The following RBM3 variants were observed in gnomAD, a reference collection of about 807,000 sequenced individuals.
RBM3 encodes the protein RNA-binding protein 3.
RBM3 carries 3 observed loss-of-function variants against 12.0 expected under a neutral mutation model. The ratio of observed to expected loss-of-function variants is 0.25; its 90% CI spans 0.11 to 0.65. The LOEUF (loss-of-function observed/expected upper bound fraction) is 0.65, where lower values mean the gene tolerates loss of function less well. Among genes scored for constraint, RBM3 ranks in the 30% least tolerant of loss-of-function variants. The pLI is 0.84. For synonymous variants in RBM3, 58 were observed against 45.7 expected, an observed-to-expected ratio of 1.27 and a Z score of -1.08; for missense variants, 108 against 134.5, an observed-to-expected ratio of 0.80 and a Z score of 0.97.
Position 48,581,076 on chromosome X carries a change from G to T in RBM3, c.*3635G>T, listed in dbSNP as rs1346924927. On this transcript the variant is annotated 3_prime_UTR_variant, in exon 7 of 7. Coordinates refer to ENST00000376759, the MANE Select transcript of RBM3 (RefSeq NM_006743.5). The stretch of plus-strand genomic sequence containing the variant: ...GAAGTGCCCTGGATCTGGGGGCGGG[G>T]GGGGGCGGGGGGAATGGGTCTTTTC... 8.7e-5 allele frequency: 9 copies of T among 103,751 alleles called. No individual in the cohort carries two copies. The highest frequency in any genetic ancestry group is 2.9e-4 in the African/African-American group (8 of 27,129). 8.6% of individuals were successfully genotyped at this position (103,751 alleles called of 1,213,427 possible).
intron 1 of RBM3, 189 bp from the exon 2 acceptor site, chrX:48,574,979 C>T (rs2062073654): frequency 2.2e-6 from 1 of 450,593 alleles, no homozygotes; most frequent in African/African-American, 2.4e-5. Context: ...CTAATGGTGG[C>T]TGCGCTGAGC....
At chrX:48,577,410 T>C in intron 6 of RBM3, 55 bp from the exon 7 acceptor site, 1 of 878,534 alleles carries the variant, frequency 1.1e-6, no homozygotes, top group Non-Finnish European at 1.6e-6. Context: ...GAGGTGAGCA[T>C]GTTGTCAGCT....
rs782555495 is a variant in RBM3, at chrX:48,579,246, C to T, written c.*1805C>T. ...ACAGAAAAATCTGTTGTATTCATGG[C>T]TTTCACCTGGCTAATACTGAGCTAA... is the stretch of plus-strand genomic sequence containing the variant. On this transcript the variant is annotated 3_prime_UTR_variant, in exon 7 of 7. Transcript: ENST00000376759. 4.5e-5 allele frequency among the ~76,000 whole-genome samples: 5 copies of T among 111,856 alleles called. No individual in the cohort carries two copies. In the East Asian group the frequency reaches 1.1e-3, roughly 25 times the overall value.
In RBM3 at chrX:48,575,211, G is replaced by A; in HGVS notation, c.31G>A (p.Gly11Arg). The change falls in exon 2 of 7, where the codon GGA becomes AGA. Residue 11 changes from glycine (G) to arginine (R), a missense_variant. This residue lies in a region of RBM3 where 43 missense variants were observed against 79.6 expected (regional missense o/e 0.54). Transcript: ENST00000376759. MSSEEGKLFVGGLNFNTDEQA... is the reference protein window; with the variant it reads MSSEEGKLFVRGLNFNTDEQA... ...CTCTGAAGAAGGAAAGCTCTTCGTG[G>A]GAGGGCTCAACTTTAACACCGACGA... The A allele has an allele frequency of 2.5e-6, 3 of 1,210,090 alleles. No homozygotes were observed. Among genetic ancestry groups the A allele is most frequent in the Non-Finnish European group, 3.4e-6 (3 of 894,770 alleles).
intron 5 of RBM3, 105 bp downstream of exon 5, chrX:48,576,709 C>T: frequency 9.4e-7 from 1 of 1,067,786 alleles, no homozygotes; most frequent in South Asian, 2.4e-5. Context: ...CTAATGTGTA[C>T]CTAAAATGAG....
rs1602133100 is a variant in RBM3 at position 48,577,296 on chromosome X, G to A, written c.*24-169G>A. On this transcript the variant is annotated intron_variant, in intron 6 of 6. Transcript: ENST00000376759. Reference sequence around the variant, plus strand: ...TATCAGAGCAAGTTTGCTAGGGGGTGGGATCTGAAAACCCATCTCCTATAA... The same window carrying A: ...TATCAGAGCAAGTTTGCTAGGGGGTAGGATCTGAAAACCCATCTCCTATAA... 3.9e-6 allele frequency: 4 copies of A among 1,030,428 alleles called. No individual in the cohort carries two copies. The East Asian group carries it at 1.3e-4, about 34-fold the overall frequency. 84.9% of individuals were successfully genotyped at this position (1,030,428 alleles called of 1,213,427 possible).
intron 1 of RBM3, chrX:48,574,812 C>G (rs1556988820): frequency 2.9e-6 from 1 of 340,727 alleles, no homozygotes; most frequent in African/African-American, 2.6e-5. Context: ...TGGCAGTGAC[C>G]ACGCGACAGC....
At position 48,577,040 on chromosome X, in the gene RBM3, A is replaced by T. The variant is rs187748055; in HGVS notation, c.428A>T (p.Tyr143Phe). The change falls in exon 6 of 7, where the codon TAT (tyrosine) becomes TTT (phenylalanine). Residue 143 changes from tyrosine to phenylalanine, a missense_variant. Transcript: ENST00000376759. ...TTCCCCCCCAGAAACCAGGGTGGTT[A>T]TGACCGCTACTCAGGAGGAAATTAC... ...RDYNGRNQGG[Y>F]DRYSGGNYRD... is the part of the protein sequence containing the mutation. The T allele has an allele frequency of 3.9e-5, 47 of 1,209,800 alleles. No homozygotes were observed. The East Asian group carries it at 1.0e-3, about 26-fold the overall frequency.
chrX:48,576,180 T>G (rs1437444423), intron 3 of RBM3, 134 bp from the exon 4 acceptor site: 1 of 1,167,648 alleles, frequency 8.6e-7, no homozygotes, highest in Non-Finnish European at 1.1e-6. Context: ...GAGCTTATTC[T>G]GGAACATGGC....
Position 48,578,393 on chromosome X carries a change from CA to C in RBM3, c.*956del, listed in dbSNP as rs2062090242. On this transcript the variant is annotated 3_prime_UTR_variant, in exon 7 of 7. Coordinates refer to ENST00000376759, the MANE Select transcript of RBM3 (RefSeq NM_006743.5). Reference sequence around the variant, plus strand: ...TTCGAGACCAGCCTGGCCAACAGGGCAAAACCCCATCTCTACTAAAAATACA... The same window carrying C: ...TTCGAGACCAGCCTGGCCAACAGGGCAAACCCCATCTCTACTAAAAATACA... 9.1e-6 allele frequency: 1 copy of C among 110,465 alleles called. No individual in the cohort carries two copies. Among genetic ancestry groups the C allele is most frequent in the African/African-American group, 3.3e-5 (1 of 30,364 alleles). 9.1% of individuals were successfully genotyped at this position (110,465 alleles called of 1,213,427 possible).
rs782633776 is a variant in RBM3 at position 48,575,718 on chromosome X, C to T, written c.210+51C>T. The T allele has an allele frequency of 5.4e-6, 6 of 1,111,513 alleles. No individual in the cohort carries two copies. In the African/African-American group the frequency reaches 9.1e-5, roughly 17 times the overall value. 91.6% of individuals were successfully genotyped at this position (1,111,513 alleles called of 1,213,427 possible). On this transcript the variant is annotated intron_variant, in intron 3 of 6. Transcript: ENST00000376759. ...CCTTGTCCCCATCTGCGGCTTCCTTCATTCTTTTTGTTTTTCCCTCTGTGT... is the reference window on the plus strand; with the variant it reads ...CCTTGTCCCCATCTGCGGCTTCCTTTATTCTTTTTGTTTTTCCCTCTGTGT...
chrX:48,575,402 C>G, intron 2 of RBM3, 119 bp downstream of exon 2: 1 of 831,275 alleles, frequency 1.2e-6, no homozygotes, highest in Non-Finnish European at 1.7e-6. Flanking sequence ...TCTTCCTAAG[C>G]CTATGGTGTA....
rs1349065425 is a variant in RBM3, at chrX:48,578,645, A to G, written c.*1204A>G. Reference sequence around the variant, plus strand: ...GGTTGGTGGGTGGGCAGGGACTGCCAGAGGGTTAGGTGTACATTGAGGCCT... The same window carrying G: ...GGTTGGTGGGTGGGCAGGGACTGCCGGAGGGTTAGGTGTACATTGAGGCCT... On this transcript the variant is annotated 3_prime_UTR_variant, in exon 7 of 7. Transcript: ENST00000376759. The G allele has an allele frequency of 9.0e-6, 1 of 111,470 alleles. No homozygotes were observed. Among genetic ancestry groups the G allele is most frequent in the Non-Finnish European group, 1.9e-5 (1 of 53,122 alleles). 9.2% of individuals were successfully genotyped at this position (111,470 alleles called of 1,213,427 possible). A position where few individuals can be genotyped will look rare whatever the true frequency, so the allele number is the denominator to read the frequency against.
At chrX:48,575,882 G>A (rs1429761232) in intron 3 of RBM3, 13 of 514,872 alleles carry the variant, frequency 2.5e-5, no homozygotes, top group African/African-American at 7.1e-5. Context: ...GCATGAGGCC[G>A]AGAAGCCACC....
intron 2 of RBM3, 78 bp from the exon 3 acceptor site, chrX:48,575,482 CT>C: frequency 1.0e-6 from 1 of 960,443 alleles, no homozygotes; most frequent in Non-Finnish European, 1.4e-6. Flanking sequence ...ATGCCATCTC[CT>C]TTTCCGGCCA....
At chrX:48,575,097 C>A in intron 1 of RBM3, 71 bp from the exon 2 acceptor site, 1 of 758,457 alleles carries the variant, frequency 1.3e-6, no homozygotes, top group Non-Finnish European at 2.0e-6. Flanking sequence ...CTCTGCTTTC[C>A]GTCTCGCTAT....
Position 48,575,457 on chromosome X carries a change from C to T in RBM3, c.104-104C>T, listed in dbSNP as rs2062076133. ...CGTCTTTGGGATTAGTGGGAGCGCTCCGTTTTCCCTACCTATGCCATCTCC... is the reference window on the plus strand; with the variant it reads ...CGTCTTTGGGATTAGTGGGAGCGCTTCGTTTTCCCTACCTATGCCATCTCC... On this transcript the variant is annotated intron_variant, in intron 2 of 6. Transcript: ENST00000376759. The T allele has an allele frequency of 4.9e-6, 4 of 824,021 alleles. No individual in the cohort carries two copies. In the Admixed American group the frequency reaches 9.1e-5, roughly 19 times the overall value. 67.9% of individuals were successfully genotyped at this position (824,021 alleles called of 1,213,427 possible).
chrX:48,576,376 A>T lies in RBM3; in HGVS notation c.273A>T (p.Gly91=), dbSNP rs2062079882. 3.3e-6 allele frequency: 4 copies of T among 1,209,354 alleles called. No homozygotes were observed. The highest frequency in any genetic ancestry group is 4.5e-6 in the Non-Finnish European group (4 of 895,058). ...GCAAGTCTGCTCGGGGAACCAGAGG[A>T]GGTGGCTTTGGGGCCCATGGGCGTG... ...HAGKSARGTR[G]GGFGAHGRGR... The change falls in exon 4 of 7, where the codon GGA becomes GGT. Residue 91 remains glycine (G), a synonymous_variant. Coordinates refer to ENST00000376759, the MANE Select transcript of RBM3 (RefSeq NM_006743.5).
intron 1 of RBM3, chrX:48,574,932 G>T: frequency 2.3e-6 from 1 of 440,280 alleles, no homozygotes; most frequent in Non-Finnish European, 4.1e-6. Context: ...GACGGGCGTG[G>T]CGGCTATGAA....
Sources: allele counts gnomAD v4.1 joint callset (sites outside exome capture counted in the v4.1 genomes callset), GRCh38; gene constraint gnomAD v4.1.1; regional missense constraint gnomAD v4.1.1; transcripts MANE v1.5; gene names NCBI Gene and HGNC (gene_info 2026-07-23, HGNC 2026-07-21).